Variants in TAB2 observed in about 807,000 individuals in gnomAD.
TAB2 encodes TGF-beta-activated kinase 1 and MAP3K7-binding protein 2.
TAB2 carries 3 observed loss-of-function variants against 65.0 expected under a neutral mutation model. That is an observed-to-expected ratio of 0.05 (90% CI 0.02 to 0.12). The LOEUF is 0.12. Ranked by LOEUF, TAB2 falls within the 10% of genes least tolerant of loss-of-function variation. The probability of loss-of-function intolerance (pLI) is 1.00; values close to 1 mark genes in which losing one functional copy is unlikely to be tolerated. For missense variants in TAB2, 623 were observed against 840.3 expected, an observed-to-expected ratio of 0.74 and a Z score of 3.20; for synonymous variants, 298 against 285.1, an observed-to-expected ratio of 1.05 and a Z score of -0.46.
chr6:149,264,075 C>T (rs184069020), intron 1 of TAB2, among the ~76,000 whole-genome samples: 67 of 152,318 alleles, frequency 4.4e-4, no homozygotes, highest in Non-Finnish European at 7.8e-4. Context: ...ACAGGCAGGC[C>T]GCTGTAGGTT....
intron 1 of TAB2, among the ~76,000 whole-genome samples, chr6:149,342,249 G>A (rs1161239048): frequency 6.6e-6 from 1 of 152,130 alleles, no homozygotes; most frequent in Non-Finnish European, 1.5e-5. Context: ...TGGATCATAG[G>A]AAATTAGGGG....
At chr6:149,314,602 C>T (rs550970085), upstream of TAB2, among the ~76,000 whole-genome samples, 5 of 152,288 alleles carry the variant, frequency 3.3e-5, no homozygotes, top group South Asian at 1.0e-3. Context: ...CCCTCTTCCC[C>T]TAAGTTTCAA....
intron 1 of TAB2, among the ~76,000 whole-genome samples, chr6:149,348,857 G>C (rs548083): frequency 0.87 from 132,013 of 151,532 alleles, 57,573 homozygotes; most frequent in Middle Eastern, 0.97. Flanking sequence ...TCCCAGCTTA[G>C]TCAGGAGGCT....
At chr6:149,320,596 G>A (rs1244699574) in intron 1 of TAB2, among the ~76,000 whole-genome samples, 1 of 152,146 alleles carries the variant, frequency 6.6e-6, no homozygotes, top group Non-Finnish European at 1.5e-5. Context: ...TGAAAAATAA[G>A]TATAATGTAG....
At chr6:149,229,555 G>T (rs539077361) in intron 1 of TAB2, among the ~76,000 whole-genome samples, 1 of 152,174 alleles carries the variant, frequency 6.6e-6, no homozygotes, top group South Asian at 2.1e-4. Context: ...GAATGAGCAG[G>T]CCAGAAAGAA....
intron 1 of TAB2, among the ~76,000 whole-genome samples, chr6:149,274,743 G>T (rs1172082305): frequency 6.6e-6 from 1 of 152,214 alleles, no homozygotes; most frequent in Non-Finnish European, 1.5e-5. Context: ...CTTCTGGAAG[G>T]CCCTAGGTAG....
At chr6:149,360,143 G>C (rs1780795317) in intron 1 of TAB2, among the ~76,000 whole-genome samples, 1 of 151,860 alleles carries the variant, frequency 6.6e-6, no homozygotes, top group Non-Finnish European at 1.5e-5. Context: ...TATTTTGTTT[G>C]CTTTATTTGC....
intron 1 of TAB2, among the ~76,000 whole-genome samples, chr6:149,302,900 G>T (rs966493817): frequency 7.2e-5 from 11 of 152,226 alleles, no homozygotes; most frequent in Admixed American, 4.6e-4. Flanking sequence ...AGCCAGTGAA[G>T]CTTCATCTGT....
chr6:149,373,985 G>C (rs1781315087), intron 2 of TAB2, among the ~76,000 whole-genome samples: 1 of 152,000 alleles, frequency 6.6e-6, no homozygotes, highest in Admixed American at 6.6e-5. Context: ...CTTGAAGAGG[G>C]GACATAATGA....
chr6:149,351,406 C>G (rs373713968), intron 1 of TAB2, among the ~76,000 whole-genome samples: 3 of 152,282 alleles, frequency 2.0e-5, no homozygotes, highest in African/African-American at 7.2e-5. Flanking sequence ...ACTACTACTA[C>G]CAGTTTGTAC....
chr6:149,335,544 T>C lies in TAB2; in HGVS notation c.-90+17529T>C, dbSNP rs186942740. ...CACCATGCCTGGCTAATACTTTTTTTCTAACTTTTTGTAGAGGCAGGGTTT... is the reference window on the plus strand; with the variant it reads ...CACCATGCCTGGCTAATACTTTTTTCCTAACTTTTTGTAGAGGCAGGGTTT... On this transcript the variant is annotated intron_variant, in intron 1 of 6. Transcript: ENST00000637181. 5.3e-5 allele frequency among the ~76,000 whole-genome samples: 8 copies of C among 152,130 alleles called. No homozygotes were observed. The East Asian group carries it at 1.5e-3, about 29-fold the overall frequency.
At chr6:149,286,691 T>C (rs185737531) in intron 1 of TAB2, among the ~76,000 whole-genome samples, 39 of 152,306 alleles carry the variant, frequency 2.6e-4, no homozygotes, top group Middle Eastern at 6.8e-3. Flanking sequence ...GTTATCACAA[T>C]AGGGGATTCA....
intron 3 of TAB2, among the ~76,000 whole-genome samples, chr6:149,393,935 G>A (rs1300405984): frequency 1.3e-5 from 2 of 152,008 alleles, no homozygotes; most frequent in African/African-American, 4.8e-5. Flanking sequence ...ATGTGTCTAG[G>A]TGTTTTGTTT....
chr6:149,236,426 C>T (rs765138197), intron 1 of TAB2, among the ~76,000 whole-genome samples: 4 of 152,138 alleles, frequency 2.6e-5, no homozygotes, highest in Non-Finnish European at 5.9e-5. Flanking sequence ...ATTTCTGCCT[C>T]GATTTCTTTC....
intron 1 of TAB2, among the ~76,000 whole-genome samples, chr6:149,224,240 T>A (rs1225591368): frequency 6.6e-6 from 1 of 152,184 alleles, no homozygotes; most frequent in Non-Finnish European, 1.5e-5. Flanking sequence ...TGGCACACAC[T>A]TTGAATAGTA....
intron 1 of TAB2, among the ~76,000 whole-genome samples, chr6:149,365,457 T>G (rs916195837): frequency 1.3e-5 from 2 of 152,154 alleles, no homozygotes; most frequent in African/African-American, 4.8e-5. Context: ...GCACTTATAT[T>G]ATGTCATTTC....
chr6:149,396,366 T>A (rs1214316887), intron 3 of TAB2, among the ~76,000 whole-genome samples: 2 of 152,184 alleles, frequency 1.3e-5, no homozygotes, highest in South Asian at 2.1e-4. Context: ...AACTCTTCTT[T>A]CATTTTTTCT....
intron 1 of TAB2, among the ~76,000 whole-genome samples, chr6:149,272,894 G>A (rs1778388286): frequency 6.6e-6 from 1 of 152,158 alleles, no homozygotes; most frequent in Non-Finnish European, 1.5e-5. Context: ...CAACCCTGGG[G>A]CCACTGGAGC....
chr6:149,222,639 T>A (rs1053867692), intron 1 of TAB2, among the ~76,000 whole-genome samples: 2 of 151,238 alleles, frequency 1.3e-5, no homozygotes, highest in African/African-American at 4.9e-5. Context: ...AAAAAGAAAC[T>A]TTTTTTTCAT....
Sources: allele counts gnomAD v4.1 joint callset (sites outside exome capture counted in the v4.1 genomes callset), GRCh38; gene constraint gnomAD v4.1.1; transcripts MANE v1.5; gene names NCBI Gene and HGNC (gene_info 2026-07-23, HGNC 2026-07-21).